The following PPFIA1 variants were observed in gnomAD, a reference collection of about 807,000 sequenced individuals.
PPFIA1 encodes the protein PPFI scaffold protein A1.
Under a neutral mutation model 149.9 loss-of-function variants are expected in PPFIA1, and 25 were observed. The ratio of observed to expected loss-of-function variants is 0.17; its 90% CI spans 0.12 to 0.23. PPFIA1 has a LOEUF of 0.23. PPFIA1 is among the 10% of genes least tolerant of loss of function. The pLI is 1.00. For synonymous variants in PPFIA1, 549 were observed against 552.8 expected (o/e 0.99, Z 0.10); for missense variants, 1,362 against 1,506.5 (o/e 0.90, Z 1.59).
At chr11:70,338,598 T>C in intron 13 of PPFIA1, 145 bp downstream of exon 13, 2 of 638,932 alleles carry the variant, frequency 3.1e-6, no homozygotes, top group Admixed American at 3.1e-5. Context: ...GAAAAGTAAC[T>C]CAAAGGTTAG....
At chr11:70,355,603 G>C in intron 17 of PPFIA1, 36 bp from the exon 18 acceptor site, 2 of 1,563,284 alleles carry the variant, frequency 1.3e-6, no homozygotes, top group Non-Finnish European at 1.7e-6. Flanking sequence ...TATCCTACAA[G>C]GGCACATAGT....
chr11:70,290,652 G>A (rs986436032), intron 2 of PPFIA1, among the ~76,000 whole-genome samples: 2 of 152,056 alleles, frequency 1.3e-5, no homozygotes, highest in African/African-American at 2.4e-5. Flanking sequence ...ATTCTTATTC[G>A]GAGGAGGAAA....
At chr11:70,329,545 C>T (rs2054531529) in intron 7 of PPFIA1, among the ~76,000 whole-genome samples, 2 of 152,096 alleles carry the variant, frequency 1.3e-5, no homozygotes, top group South Asian at 4.1e-4. Context: ...CTGCTGGACT[C>T]GAGCAATCCT....
At chr11:70,343,545 C>T (rs2055485531) in intron 14 of PPFIA1, 124 bp from the exon 15 acceptor site, 2 of 810,144 alleles carry the variant, frequency 2.5e-6, no homozygotes, top group Admixed American at 4.4e-5. Context: ...ACCTTATAAG[C>T]ATGGCCCATC....
At chr11:70,328,718 C>A (rs777771691) in intron 7 of PPFIA1, among the ~76,000 whole-genome samples, 1 of 151,718 alleles carries the variant, frequency 6.6e-6, no homozygotes, top group Non-Finnish European at 1.5e-5. Flanking sequence ...CCTTTTTCTC[C>A]ACAACCTCAC....
chr11:70,362,227 A>ACT, intron 20 of PPFIA1, 51 bp downstream of exon 20: 3 of 1,604,668 alleles, frequency 1.9e-6, no homozygotes, highest in Non-Finnish European at 2.5e-6. Context: ...ATGTGAACTT[A>ACT]CTGTTCTACT....
chr11:70,321,113 C>T (rs1039761897), intron 2 of PPFIA1, among the ~76,000 whole-genome samples: 2 of 152,132 alleles, frequency 1.3e-5, no homozygotes, highest in African/African-American at 4.8e-5. Context: ...GGGATTAGGT[C>T]ATGAGGGTGG....
At chr11:70,377,563 C>T (rs1384316290) in intron 25 of PPFIA1, among the ~76,000 whole-genome samples, 1 of 152,154 alleles carries the variant, frequency 6.6e-6, no homozygotes, top group Non-Finnish European at 1.5e-5. Context: ...ACTTAGGAGG[C>T]TGCGGTGGGA....
At chr11:70,284,583 G>A (rs1267549703) in intron 2 of PPFIA1, among the ~76,000 whole-genome samples, 2 of 152,214 alleles carry the variant, frequency 1.3e-5, no homozygotes, top group Admixed American at 6.5e-5. Context: ...CAGATAGAAT[G>A]AAGTGGTTCA....
At position 70,372,242 on chromosome 11, in the gene PPFIA1, G is replaced by A. The variant is rs754312016; in HGVS notation, c.2893G>A (p.Glu965Lys). The A allele has an allele frequency of 7.4e-6, 12 of 1,614,110 alleles. No individual in the cohort carries two copies. Among genetic ancestry groups the A allele is most frequent in the Admixed American group, 1.7e-5 (1 of 60,002 alleles). The change falls in exon 22 of 28, where the codon GAG becomes AAG. Residue 965 changes from glutamate to lysine, a missense_variant. Physicochemically the swap from Glu to Lys is moderately conservative, Grantham distance 56. Around this residue, in one of 7 missense-constraint regions of PPFIA1, gnomAD observed 349 missense variants for 373.3 expected, o/e 0.93. Transcript: ENST00000253925. ...ACTCGCCTATGGGGACATGAACCAC[G>A]AGTGGATCGGCAACGAGTGGCTCCC... ...TTLAYGDMNH[E>K]WIGNEWLPSL...
At chr11:70,319,487 G>A (rs1054995154) in intron 2 of PPFIA1, among the ~76,000 whole-genome samples, 2 of 152,204 alleles carry the variant, frequency 1.3e-5, no homozygotes, top group Non-Finnish European at 2.9e-5. Flanking sequence ...TTAATCCCTG[G>A]GATTATTGCA....
chr11:70,360,284 T>C (rs1239301206), intron 19 of PPFIA1, among the ~76,000 whole-genome samples: 1 of 152,260 alleles, frequency 6.6e-6, no homozygotes, highest in African/African-American at 2.4e-5. Context: ...TCTAGGACAG[T>C]GTACACCAGT....
intron 2 of PPFIA1, among the ~76,000 whole-genome samples, chr11:70,318,639 C>T (rs910482166): frequency 2.0e-5 from 3 of 152,356 alleles, no homozygotes; most frequent in Non-Finnish European, 2.9e-5. Context: ...TTTACTTCCA[C>T]TCTTCCCATT....
In PPFIA1 at chr11:70,325,173, A is replaced by G. The variant is rs563323425; in HGVS notation, c.531+162A>G. On this transcript the variant is annotated intron_variant, in intron 4 of 27. Transcript: ENST00000253925. ...AGGTTTAAAAAGTACTAATTGGCTT[A>G]AATGTCTTAAAATTACTAATGTATA... 1.8e-5 allele frequency: 11 copies of G among 615,998 alleles called. No homozygotes were observed. The Middle Eastern group carries it at 1.4e-3, about 76-fold the overall frequency. The allele number at this position is 615,998 out of a possible 1,614,324, so 38.2% of individuals were successfully genotyped here.
chr11:70,318,917 G>A (rs1371521952), intron 2 of PPFIA1, among the ~76,000 whole-genome samples: 1 of 152,220 alleles, frequency 6.6e-6, no homozygotes, highest in Non-Finnish European at 1.5e-5. Context: ...TTGGGGGCTT[G>A]ATCCCCATCT....
chr11:70,303,571 GAGA>G (rs2052633122), intron 2 of PPFIA1, among the ~76,000 whole-genome samples: 1 of 152,304 alleles, frequency 6.6e-6, no homozygotes, highest in South Asian at 2.1e-4. Flanking sequence ...AGCATAAGAA[GAGA>G]TGTACATTTG....
intron 2 of PPFIA1, among the ~76,000 whole-genome samples, chr11:70,300,291 T>C (rs1203198009): frequency 6.6e-6 from 1 of 152,228 alleles, no homozygotes; most frequent in Non-Finnish European, 1.5e-5. Context: ...TCTCCGCCAG[T>C]TCCTACTGGG....
At chr11:70,346,989 G>T (rs1185941506) in intron 15 of PPFIA1, among the ~76,000 whole-genome samples, 1 of 152,080 alleles carries the variant, frequency 6.6e-6, no homozygotes, top group East Asian at 1.9e-4. Flanking sequence ...TAGCATGGTT[G>T]GCATGAATCC....
At chr11:70,294,703 T>C (rs1179408613) in intron 2 of PPFIA1, among the ~76,000 whole-genome samples, 1 of 151,946 alleles carries the variant, frequency 6.6e-6, no homozygotes, top group Non-Finnish European at 1.5e-5. Flanking sequence ...CCCTGTGGCC[T>C]TCCGCAGTGT....
Sources: gnomAD v4.1 joint callset for allele counts (sites outside exome capture counted in the v4.1 genomes callset) on GRCh38, gnomAD v4.1.1 for gene constraint, gnomAD v4.1.1 regional missense constraint, MANE v1.5 for transcripts, NCBI Gene and HGNC (gene_info 2026-07-23, HGNC 2026-07-21) for gene names.